ARHGEF28: variants seen among roughly 807,000 people sequenced by gnomAD.
ARHGEF28 encodes the protein 190 kDa guanine nucleotide exchange factor.
In ARHGEF28, 152 loss-of-function variants were observed where a neutral mutation model predicts 206.6. The observed-to-expected ratio is 0.74, with a 90% CI of 0.64 to 0.84. The LOEUF is 0.84. ARHGEF28 is among the 40% of genes least tolerant of loss of function. The pLI, the probability that ARHGEF28 is intolerant of heterozygous loss-of-function variation, is 0.00. For synonymous variants in ARHGEF28, 763 were observed against 776.4 expected (o/e 0.98, Z 0.29); for missense variants, 2,028 against 2,073.2 (o/e 0.98, Z 0.42).
chr5:73,841,859 A>G (rs1354467102), intron 11 of ARHGEF28, among the ~76,000 whole-genome samples: 1 of 152,192 alleles, frequency 6.6e-6, no homozygotes, highest in Non-Finnish European at 1.5e-5. Context: ...GTAGATGGCC[A>G]GTATCCAAGT....
intron 4 of ARHGEF28, among the ~76,000 whole-genome samples, chr5:73,769,118 T>G (rs1753074203): frequency 6.7e-6 from 1 of 148,522 alleles, no homozygotes; most frequent in Non-Finnish European, 1.5e-5. Flanking sequence ...AGGTATGTCT[T>G]TATCAGCAGC....
At chr5:73,838,092 G>A (rs1579965480) in intron 10 of ARHGEF28, among the ~76,000 whole-genome samples, 1 of 152,132 alleles carries the variant, frequency 6.6e-6, no homozygotes, top group East Asian at 1.9e-4. Context: ...TTGCTTTAAT[G>A]ATGTGAAGCC....
chr5:73,689,731 G>C (rs1361401075), intron 2 of ARHGEF28, among the ~76,000 whole-genome samples: 2 of 151,498 alleles, frequency 1.3e-5, no homozygotes, highest in African/African-American at 2.4e-5. Flanking sequence ...AACTGAAGGA[G>C]CAGCACTGGA....
chr5:73,656,618 C>T (rs1745219018), intron 1 of ARHGEF28, among the ~76,000 whole-genome samples: 1 of 152,174 alleles, frequency 6.6e-6, no homozygotes, highest in Admixed American at 6.5e-5. Flanking sequence ...GCACATCCTC[C>T]TGCATCTACC....
intron 35 of ARHGEF28, among the ~76,000 whole-genome samples, chr5:73,921,539 G>A (rs1763521074): frequency 6.6e-6 from 1 of 152,196 alleles, no homozygotes; most frequent in Non-Finnish European, 1.5e-5. Context: ...AAGGAAAAAT[G>A]TAGGCTTCCA....
chr5:73,888,050 C>T (rs191670984), intron 26 of ARHGEF28, among the ~76,000 whole-genome samples: 1 of 152,280 alleles, frequency 6.6e-6, no homozygotes, highest in East Asian at 1.9e-4. Context: ...GCCCCTTCGG[C>T]CCCCAAACCC....
At chr5:73,665,690 C>T (rs1002290193) in intron 1 of ARHGEF28, among the ~76,000 whole-genome samples, 3 of 152,086 alleles carry the variant, frequency 2.0e-5, no homozygotes, top group African/African-American at 7.2e-5. Context: ...AACAAACCCT[C>T]TCATGATAAT....
rs1470785392 is a variant in ARHGEF28, at chr5:73,863,019, C to A, written c.2048-1798C>A. On this transcript the variant is annotated intron_variant, in intron 16 of 35. Transcript: ENST00000513042. ...GAAAAACAACTTAGTTAAATAAATTCTTGGACCAAAGTCTTTTCCCTTCAT... is the reference window on the plus strand; with the variant it reads ...GAAAAACAACTTAGTTAAATAAATTATTGGACCAAAGTCTTTTCCCTTCAT... 2.6e-5 allele frequency: 4 copies of A among 151,416 alleles called. No individual in the cohort carries two copies. In the East Asian group the frequency reaches 7.7e-4, roughly 29 times the overall value. The allele number at this position is 151,416 out of a possible 1,614,324, so 9.4% of individuals were successfully genotyped here.
At chr5:73,637,270 AT>A (rs1302238265) in intron 1 of ARHGEF28, among the ~76,000 whole-genome samples, 1 of 152,068 alleles carries the variant, frequency 6.6e-6, no homozygotes, top group African/African-American at 2.4e-5. Context: ...TAATGGTTCC[AT>A]CCCCTCTCTC....
At chr5:73,915,397 T>C (rs1763154710) in intron 35 of ARHGEF28, among the ~76,000 whole-genome samples, 1 of 152,232 alleles carries the variant, frequency 6.6e-6, no homozygotes, top group Non-Finnish European at 1.5e-5. Context: ...AACTTTACTT[T>C]CCAGTTTTGG....
intron 35 of ARHGEF28, among the ~76,000 whole-genome samples, chr5:73,923,413 A>T (rs1763628799): frequency 6.6e-6 from 1 of 152,252 alleles, no homozygotes; most frequent in Non-Finnish European, 1.5e-5. Context: ...GGAAGCGAAC[A>T]AAGTACTGGG....
chr5:73,857,463 T>C (rs1381616796), intron 14 of ARHGEF28, among the ~76,000 whole-genome samples, 193 bp from the exon 15 acceptor site: 1 of 152,152 alleles, frequency 6.6e-6, no homozygotes, highest in Non-Finnish European at 1.5e-5. Flanking sequence ...TCTAATCACA[T>C]GTCTGTTCAC....
Position 73,883,806 on chromosome 5 carries a change from C to A in ARHGEF28, c.2977C>A (p.Pro993Thr). 1.3e-6 allele frequency: 2 copies of A among 1,573,988 alleles called. No homozygotes were observed. Among genetic ancestry groups the A allele is most frequent in the African/African-American group, 1.4e-5 (1 of 73,922 alleles). Residue 993 changes from proline to threonine, a missense_variant, in exon 24 of 36, where the codon CCA (proline) becomes ACA (threonine). Transcript: ENST00000513042. The stretch of plus-strand genomic sequence containing the variant: ...TCTTTTGGCTCGACGCCGAGGAATT[C>A]CAGAATGCATTCTGTTGGTCACTCA... The part of the protein sequence containing the change: ...SNLLARRRGI[P>T]ECILLVTQRI...
chr5:73,726,743 T>C (rs1580532518), intron 2 of ARHGEF28, among the ~76,000 whole-genome samples: 1 of 152,228 alleles, frequency 6.6e-6, no homozygotes, highest in Non-Finnish European at 1.5e-5. Flanking sequence ...GTACCTTTTA[T>C]GTGAACGAGG....
At chr5:73,849,158 C>T in intron 13 of ARHGEF28, 71 bp downstream of exon 13, 1 of 1,088,834 alleles carries the variant, frequency 9.2e-7, no homozygotes, top group Non-Finnish European at 1.3e-6. Flanking sequence ...AGTATAAGTA[C>T]ATAAAATATT....
rs371875607 is a variant in ARHGEF28, at chr5:73,772,752, G to A, written c.476-1103G>A. 2.5e-4 allele frequency among the ~76,000 whole-genome samples: 38 copies of A among 152,266 alleles called. No individual in the cohort carries two copies. The East Asian group carries it at 3.7e-3, about 15-fold the overall frequency. On this transcript the variant is annotated intron_variant, in intron 4 of 35. Coordinates refer to ENST00000513042, the MANE Select transcript of ARHGEF28 (RefSeq NM_001177693.2). ...CAGGAAAGGAGCTTGATCAGGACTC[G>A]GGAAGGATCATAATGTAGTTAAGAT... is the stretch of plus-strand genomic sequence containing the variant.
chr5:73,834,279 A>G (rs1757471761), intron 10 of ARHGEF28, among the ~76,000 whole-genome samples: 1 of 152,166 alleles, frequency 6.6e-6, no homozygotes, highest in Non-Finnish European at 1.5e-5. Context: ...ATTAGGTCTC[A>G]AGAACTTATT....
At position 73,837,175 on chromosome 5, in the gene ARHGEF28, A is replaced by AT. The variant is rs371676561; in HGVS notation, c.1147-3296dup. Among the ~76,000 whole-genome samples, 1,460 of 151,360 alleles carry AT rather than the reference A, an allele frequency of 9.6e-3. 22 individuals carry two copies. Among genetic ancestry groups the AT allele is most frequent in the African/African-American group, 0.029 (1,185 of 41,274 alleles). ...TTTGGGATTCCATTCAAATTTCAGG[A>AT]TTTTTTTTTCTATTTCTGTGAAAAA... On this transcript the variant is annotated intron_variant, in intron 10 of 35. Transcript: ENST00000513042.
chr5:73,832,483 G>A (rs1757359708), intron 10 of ARHGEF28, 24 bp downstream of exon 10: 1 of 1,605,914 alleles, frequency 6.2e-7, no homozygotes, highest in South Asian at 1.1e-5. Context: ...GACATTACAG[G>A]ATGATTTCTA....
Sources: gnomAD v4.1 joint callset for allele counts (sites outside exome capture counted in the v4.1 genomes callset) on GRCh38, gnomAD v4.1.1 for gene constraint, MANE v1.5 for transcripts, NCBI Gene and HGNC (gene_info 2026-07-23, HGNC 2026-07-21) for gene names.